FLNA: variants seen among roughly 807,000 people sequenced by gnomAD.
The protein encoded by FLNA is filamin-A.
FLNA carries 7 observed loss-of-function variants against 157.6 expected under a neutral mutation model. The ratio of observed to expected loss-of-function variants is 0.04; its 90% confidence interval spans 0.03 to 0.08. The LOEUF (loss-of-function observed/expected upper bound fraction) is 0.08, where lower values mean the gene tolerates loss of function less well. FLNA is among the 10% of genes least tolerant of loss of function. FLNA has a pLI of 1.00. For missense variants in FLNA, 1,750 were observed against 2,398.4 expected (o/e 0.73, Z 5.65); for synonymous variants, 1,103 against 1,060.8 (o/e 1.04, Z -0.77).
At chrX:154,369,945 G>C (rs933211596) in intron 2 of FLNA, among the ~76,000 whole-genome samples, 1 of 112,126 alleles carries the variant, frequency 8.9e-6, no homozygotes, top group East Asian at 2.8e-4. Flanking sequence ...TTCTGAAGAA[G>C]AGAAGACTCA....
chrX:154,354,718 G>A lies in FLNA; in HGVS notation c.5218-7C>T. The A allele has an allele frequency of 8.3e-7, 1 of 1,208,134 alleles. No homozygotes were observed. The highest frequency in any genetic ancestry group is 1.1e-6 in the Non-Finnish European group (1 of 893,653). Reference sequence around the variant, plus strand: ...GCTGGTCCCCAGCCAGAGCCTGCAGGGCAAAGCAGAGAGCTGCTGGAGAGT... The same window carrying A: ...GCTGGTCCCCAGCCAGAGCCTGCAGAGCAAAGCAGAGAGCTGCTGGAGAGT... On this transcript the variant is annotated splice_region_variant and splice_polypyrimidine_tract_variant and intron_variant, in intron 31 of 47. Transcript: ENST00000369850.
chrX:154,357,479 C>G lies in FLNA; in HGVS notation c.4900G>C (p.Val1634Leu). The part of the protein sequence containing the change: ...GDEIPFSPYR[V>L]RAVPTGDASK... ...GCGTCCCCGGTGGGCACGGCACGCACGCGGTACGGGGAGAAGGGGATCTCG... is the reference window on the plus strand; with the variant it reads ...GCGTCCCCGGTGGGCACGGCACGCAGGCGGTACGGGGAGAAGGGGATCTCG... Residue 1634 changes from valine (V) to leucine (L), a missense_variant, in exon 29 of 48, where the codon GTG (valine) becomes CTG (leucine). Around this residue, in one of 5 missense-constraint regions of FLNA, gnomAD observed 970 missense variants for 1,302.6 expected, o/e 0.74. Coordinates refer to ENST00000369850, the MANE Select transcript of FLNA (RefSeq NM_001110556.2). The G allele has an allele frequency of 8.3e-7, 1 of 1,211,308 alleles. No individual in the cohort carries two copies. Among genetic ancestry groups the G allele is most frequent in the Non-Finnish European group, 1.1e-6 (1 of 894,982 alleles).
At position 154,349,761 on chromosome X, in the gene FLNA, A is replaced by C. The variant is rs1272243446; in HGVS notation, c.7440T>G (p.Pro2480=). ...GGGTATAGGTGACGCGGTAGCCCTC[A>C]GGGCACTCCTGGCAATCCATCTTCA... ...SKVKMDCQEC[P]EGYRVTYTPM... Residue 2480 remains proline (P), a synonymous_variant, in exon 46 of 48, where the codon CCT becomes CCG. Transcript: ENST00000369850. 3 of 1,210,374 alleles carry C rather than the reference A, an allele frequency of 2.5e-6. No homozygotes were observed. In the East Asian group the frequency reaches 8.9e-5, roughly 36 times the overall value.
At chrX:154,361,911 G>A in intron 19 of FLNA, 68 bp downstream of exon 19, 2 of 1,153,792 alleles carry the variant, frequency 1.7e-6, no homozygotes, top group Non-Finnish European at 2.4e-6. Context: ...AAGTCCCTCG[G>A]AGCTGTCCCC....
At chrX:154,366,491 C>A in intron 7 of FLNA, 21 bp from the exon 8 acceptor site, 2 of 1,210,587 alleles carry the variant, frequency 1.7e-6, no homozygotes, top group Non-Finnish European at 2.2e-6. Flanking sequence ...AAGGGTGGGC[C>A]GTGAGGGTAG....
Position 154,367,448 on chromosome X carries a change from C to A in FLNA, c.817G>T (p.Ala273Ser). Residue 273 changes from alanine to serine, a missense_variant, in exon 5 of 48, where the codon GCT (alanine) becomes TCT (serine). By Grantham distance (99) the Ala-to-Ser change is moderately conservative (BLOSUM62 1). Transcript: ENST00000369850. ...GGGTTCAGTTTGGGCCGCAAGGGAG[C>A]CCCTGGCTTCAGCTTGGCCTTGGGG... ...QFPKAKLKPG[A>S]PLRPKLNPKK... is the part of the protein sequence containing the mutation. 1 of 1,211,552 alleles carries A rather than the reference C, an allele frequency of 8.3e-7. No individual in the cohort carries two copies. The highest frequency in any genetic ancestry group is 1.1e-6 in the Non-Finnish European group (1 of 895,388).
At chrX:154,361,084 GAAAA>G (rs374641129) in intron 21 of FLNA, among the ~76,000 whole-genome samples, 5 of 52,497 alleles carry the variant, frequency 9.5e-5, no homozygotes, top group African/African-American at 2.4e-4. Flanking sequence ...AAAAAAGAAA[GAAAA>G]AAAAAAAAAA....
At chrX:154,364,993 A>C in intron 11 of FLNA, 36 bp from the exon 12 acceptor site, 4 of 1,210,915 alleles carry the variant, frequency 3.3e-6, no homozygotes, top group Non-Finnish European at 4.5e-6. Flanking sequence ...AACACCGAGG[A>C]TCACCACATG....
Position 154,348,713 on chromosome X carries a change from C to CA in FLNA, c.*135dup, listed in dbSNP as rs2067592746. ...TGGCTGGGGAGGCAGGTGAGCGCAG[C>CA]ACGGCACAGGGCAGGGGCGGCTGCA... On this transcript the variant is annotated 3_prime_UTR_variant, in exon 48 of 48. Transcript: ENST00000369850. 3.6e-6 allele frequency: 2 copies of CA among 559,905 alleles called. No individual in the cohort carries two copies. Among genetic ancestry groups the CA allele is most frequent in the Admixed American group, 7.9e-5 (2 of 25,318 alleles). 46.1% of individuals were successfully genotyped at this position (559,905 alleles called of 1,213,427 possible). A position where few individuals can be genotyped will look rare whatever the true frequency, so the allele number is the denominator to read the frequency against.
intron 1 of FLNA, among the ~76,000 whole-genome samples, chrX:154,371,922 G>A (rs1335340307): frequency 8.8e-6 from 1 of 113,591 alleles, no homozygotes; most frequent in Non-Finnish European, 1.9e-5. Context: ...ACCAGGCACT[G>A]CCGAGGGCGC....
chrX:154,370,794 G>C (rs941612322), intron 2 of FLNA, 79 bp downstream of exon 2: 17 of 1,082,292 alleles, frequency 1.6e-5, no homozygotes, highest in Non-Finnish European at 2.1e-5. Flanking sequence ...GGGGTGGTTT[G>C]GAGGGGTCCG....
chrX:154,358,168 C>G lies in FLNA; in HGVS notation c.4755+31G>C, dbSNP rs782571288. ...CCCACACTCCAGCCGCCCAGGCCCC[C>G]CTGCCTCCCCTGCCTGTGCCCGGAG... is the stretch of plus-strand genomic sequence containing the variant. On this transcript the variant is annotated intron_variant, in intron 28 of 47. Transcript: ENST00000369850. The G allele has an allele frequency of 3.2e-4, 381 of 1,204,592 alleles. 3 individuals carry two copies. In the South Asian group the frequency reaches 6.0e-3, roughly 19 times the overall value.
At position 154,350,902 on chromosome X, in the gene FLNA, G is replaced by A; in HGVS notation, c.7156+7C>T. On this transcript the variant is annotated splice_region_variant and intron_variant, in intron 44 of 47. Transcript: ENST00000369850. ...GGCAGGGCGGCCGGGCAGGGACAGGGCCTCACCTTGGTCAATTTCTGTGAC... is the reference window on the plus strand; with the variant it reads ...GGCAGGGCGGCCGGGCAGGGACAGGACCTCACCTTGGTCAATTTCTGTGAC... 8.3e-7 allele frequency: 1 copy of A among 1,210,666 alleles called. No homozygotes were observed. The highest frequency in any genetic ancestry group is 1.8e-5 in the South Asian group (1 of 57,017).
intron 2 of FLNA, 41 bp from the exon 3 acceptor site, chrX:154,368,131 C>T (rs782410017): frequency 8.3e-6 from 10 of 1,207,043 alleles, no homozygotes; most frequent in East Asian, 5.9e-5. Context: ...CACGGCTGTG[C>T]GGGAGGGGCC....
intron 2 of FLNA, among the ~76,000 whole-genome samples, chrX:154,369,229 C>G (rs943273560): frequency 8.9e-6 from 1 of 112,375 alleles, no homozygotes; most frequent in Non-Finnish European, 1.9e-5. Flanking sequence ...CCTGGCCCCA[C>G]GAGGCTGCCT....
At chrX:154,353,532 C>T in intron 36 of FLNA, 22 bp downstream of exon 36, 1 of 1,211,436 alleles carries the variant, frequency 8.3e-7, no homozygotes, top group Non-Finnish European at 1.1e-6. Context: ...CCGTTTCTGT[C>T]ACTGCTCCCA....
rs1255795015 is a variant in FLNA at position 154,365,339 on chromosome X, G to GCCA, written c.1567+7_1567+9dup. 4.1e-6 allele frequency: 5 copies of GCCA among 1,210,696 alleles called. No homozygotes were observed. Among genetic ancestry groups the GCCA allele is most frequent in the Non-Finnish European group, 5.6e-6 (5 of 895,317 alleles). ...GCCACCCATCCTGGCCTGGCTCCAG[G>GCCA]CCAACTTACTGGGGCCCTTCACGGT... On this transcript the variant is annotated intron_variant, in intron 10 of 47. Transcript: ENST00000369850.
rs2067747534 is a variant in FLNA, at chrX:154,365,187, G to A, written c.1640C>T (p.Pro547Leu). ...CGTGATGGTGACGATATAGGTTCCA[G>A]GGACCATGGGGTAATACTCGAAGCC... ...VYGFEYYPMVPGTYIVTITWG... is the reference protein window; with the variant it reads ...VYGFEYYPMVLGTYIVTITWG... The change falls in exon 11 of 48, where the codon CCT (proline) becomes CTT (leucine). Residue 547 changes from proline (P) to leucine (L), a missense_variant. By Grantham distance (98) the Pro-to-Leu change is moderately conservative. Coordinates refer to ENST00000369850, the MANE Select transcript of FLNA (RefSeq NM_001110556.2). 8.3e-7 allele frequency: 1 copy of A among 1,211,523 alleles called. No homozygotes were observed. Among genetic ancestry groups the A allele is most frequent in the African/African-American group, 1.7e-5 (1 of 57,909 alleles).
Position 154,365,439 on chromosome X carries a change from T to G in FLNA, c.1477A>C (p.Lys493Gln). Residue 493 changes from lysine (K) to glutamine (Q), a missense_variant, in exon 10 of 48, where the codon AAG (lysine) becomes CAG (glutamine). This residue lies in a region of FLNA where 648 missense variants were observed against 805.8 expected (regional missense o/e 0.80). Transcript: ENST00000369850. ...CRAVGRGLQP[K>Q]GVRVKETADF... ...GCTGTCTCCTTCACCCGCACACCCT[T>G]GGGCTGGAGGCCCCGGCCAACCGCC... 3 of 1,211,476 alleles carry G rather than the reference T, an allele frequency of 2.5e-6. No individual in the cohort carries two copies. The highest frequency in any genetic ancestry group is 3.4e-6 in the Non-Finnish European group (3 of 895,461).
Sources: gnomAD v4.1 joint callset for allele counts (sites outside exome capture counted in the v4.1 genomes callset) on GRCh38, gnomAD v4.1.1 for gene constraint, gnomAD v4.1.1 regional missense constraint, MANE v1.5 for transcripts, NCBI Gene and HGNC (gene_info 2026-07-23, HGNC 2026-07-21) for gene names.